The following PCYT1B variants were observed in gnomAD, a reference collection of about 807,000 sequenced individuals.
The protein encoded by PCYT1B is choline-phosphate cytidylyltransferase B.
PCYT1B carries 10 observed loss-of-function variants against 26.4 expected under a neutral mutation model. That is an observed-to-expected ratio of 0.38 (90% confidence interval 0.23 to 0.64). The LOEUF is 0.64. PCYT1B is among the 30% of genes least tolerant of loss of function. The pLI is 0.56. For missense variants in PCYT1B, 161 were observed against 292.7 expected (o/e 0.55, Z 3.28); for synonymous variants, 131 against 108.4 (o/e 1.21, Z -1.29).
chrX:24,564,314 C>T (rs1360321779), intron 7 of PCYT1B, among the ~76,000 whole-genome samples: 11 of 111,014 alleles, frequency 9.9e-5, no homozygotes, highest in African/African-American at 3.6e-4. Context: ...TAAACTCACC[C>T]TTTTTAGTGT....
intron 3 of PCYT1B, among the ~76,000 whole-genome samples, chrX:24,593,437 CTTTCTTTCTTTTCT>C (rs1435271797): frequency 0.024 from 1,785 of 73,767 alleles, 31 homozygotes; most frequent in Middle Eastern, 0.037. Flanking sequence ...TCTTTCCTTT[CTTTCTTTCTTTTCT>C]TTTCTTTTCT....
Position 24,559,415 on chromosome X carries a change from AAAAAG to A in PCYT1B, c.*2873_*2877del, listed in dbSNP as rs1241636343. 2 of 44,830 alleles carry A rather than the reference AAAAAG, an allele frequency of 4.5e-5. No individual in the cohort carries two copies. The highest frequency in any genetic ancestry group is 9.8e-5 in the Non-Finnish European group (2 of 20,438). The allele number at this position is 44,830 out of a possible 1,213,427, so 3.7% of individuals were successfully genotyped here. On this transcript the variant is annotated 3_prime_UTR_variant, in exon 8 of 8. Transcript: ENST00000379144. ...AAAGAAAGAAAGAAAAAGAGGAAAG[AAAAAG>A]AGAAAGAAGAAAGAAAAAGAAAGAG...
Position 24,607,174 on chromosome X carries a change from G to A in PCYT1B, c.334+571C>T, listed in dbSNP as rs1292058287. 6.3e-5 allele frequency among the ~76,000 whole-genome samples: 7 copies of A among 111,939 alleles called. No homozygotes were observed. In the East Asian group the frequency reaches 1.7e-3, roughly 27 times the overall value. On this transcript the variant is annotated intron_variant, in intron 3 of 7. Transcript: ENST00000379144. ...ATCCTTCTCTTTCCATAGACTTAGC[G>A]AGTAAATTGGTCCCTTCGTTGTGAA...
chrX:24,599,351 G>A (rs775404270), intron 3 of PCYT1B, among the ~76,000 whole-genome samples: 6 of 111,872 alleles, frequency 5.4e-5, no homozygotes, highest in African/African-American at 1.9e-4. Flanking sequence ...TCAAAGAATT[G>A]AGTGGCATCA....
chrX:24,637,515 T>TATATATATA (rs1374482055), intron 1 of PCYT1B, among the ~76,000 whole-genome samples: 9 of 82,941 alleles, frequency 1.1e-4, no homozygotes, highest in Admixed American at 4.4e-4. Context: ...TATATATAAA[T>TATATATATA]TAGCTGAGCG....
chrX:24,665,522 T>C (rs1927110228), intron 1 of PCYT1B, among the ~76,000 whole-genome samples: 1 of 110,904 alleles, frequency 9.0e-6, no homozygotes, highest in East Asian at 2.8e-4. Context: ...AACTCCTGAC[T>C]GCAGGTGATC....
rs138155829 is a variant in PCYT1B at position 24,579,478 on chromosome X, C to T, written c.566-20G>A. On this transcript the variant is annotated intron_variant, in intron 5 of 7. Coordinates refer to ENST00000379144, the MANE Select transcript of PCYT1B (RefSeq NM_004845.5). ...ACATCCCTGTTCAAGTAGAAAAGAG[C>T]GGATAGAGGAAAAATTAAGATCACC... is the stretch of plus-strand genomic sequence containing the variant. 3.7e-3 allele frequency: 4,387 copies of T among 1,194,741 alleles called. 41 individuals carry two copies. The highest frequency in any genetic ancestry group is 2.2e-3 in the Non-Finnish European group (1,959 of 883,262).
intron 3 of PCYT1B, among the ~76,000 whole-genome samples, chrX:24,595,909 C>G (rs1054654176): frequency 6.5e-5 from 7 of 108,487 alleles, no homozygotes; most frequent in African/African-American, 2.3e-4. Flanking sequence ...AAGACTGAGA[C>G]TGAATTTCCT....
At chrX:24,651,472 AATATATATATATATATATATATAT>A (rs200652780), upstream of PCYT1B, among the ~76,000 whole-genome samples, 1 of 26,059 alleles carries the variant, frequency 3.8e-5, no homozygotes, top group Non-Finnish European at 6.0e-5. Context: ...AAAAAAAAAA[AATATATATATATATATATATATAT>A]ATATATATAT....
At chrX:24,562,796 T>C (rs187229191) in intron 7 of PCYT1B, among the ~76,000 whole-genome samples, 2 of 108,193 alleles carry the variant, frequency 1.8e-5, no homozygotes, top group Non-Finnish European at 3.8e-5. Context: ...GGCATGATCT[T>C]GGCTCACTGC....
chrX:24,581,742 T>C (rs1924213099), intron 5 of PCYT1B, among the ~76,000 whole-genome samples: 1 of 112,565 alleles, frequency 8.9e-6, no homozygotes, highest in Non-Finnish European at 1.9e-5. Context: ...ATAGGAATAT[T>C]TCTTGAATGA....
At chrX:24,624,539 C>T (rs1310519929) in intron 1 of PCYT1B, among the ~76,000 whole-genome samples, 1 of 111,863 alleles carries the variant, frequency 8.9e-6, no homozygotes, top group African/African-American at 3.2e-5. Context: ...TGCTTTTCCT[C>T]TACTCTTTTC....
At chrX:24,637,860 A>G (rs1273242817) in intron 1 of PCYT1B, among the ~76,000 whole-genome samples, 2 of 109,965 alleles carry the variant, frequency 1.8e-5, no homozygotes, top group Non-Finnish European at 3.8e-5. Flanking sequence ...CGACTTGCCC[A>G]TGGAGAAAAA....
chrX:24,600,998 A>C (rs780254330), intron 3 of PCYT1B, among the ~76,000 whole-genome samples: 1 of 112,143 alleles, frequency 8.9e-6, no homozygotes, highest in African/African-American at 3.2e-5. Context: ...GTAAATGCCA[A>C]ACTATATGTA....
upstream of PCYT1B, among the ~76,000 whole-genome samples, chrX:24,651,937 G>A (rs906761802): frequency 9.0e-6 from 1 of 111,417 alleles, no homozygotes; most frequent in East Asian, 2.8e-4. Context: ...ATAGAAAGAT[G>A]CACAGACCTC....
chrX:24,665,582 C>A (rs997745971), intron 1 of PCYT1B, among the ~76,000 whole-genome samples: 1 of 111,360 alleles, frequency 9.0e-6, no homozygotes, highest in African/African-American at 3.3e-5. Context: ...TGAGCCACCG[C>A]GCCTGGCCCC....
At chrX:24,603,300 G>A (rs1925024530) in intron 3 of PCYT1B, among the ~76,000 whole-genome samples, 1 of 112,259 alleles carries the variant, frequency 8.9e-6, no homozygotes, top group Non-Finnish European at 1.9e-5. Context: ...AATGGTTGGA[G>A]GCAGCTACCA....
intron 2 of PCYT1B, among the ~76,000 whole-genome samples, chrX:24,616,872 A>G (rs7059020): frequency 0.059 from 6,563 of 111,696 alleles, 460 homozygotes; most frequent in African/African-American, 0.2. Context: ...ACTTCACTCT[A>G]TTGAAGGCTA....
chrX:24,670,080 G>GAA (rs1927212875), intron 1 of PCYT1B, among the ~76,000 whole-genome samples: 1 of 82,174 alleles, frequency 1.2e-5, no homozygotes, highest in Non-Finnish European at 2.4e-5. Context: ...AAGAAAGAAA[G>GAA]AAAGAAAGAA....
Sources: gnomAD v4.1 joint callset for allele counts (sites outside exome capture counted in the v4.1 genomes callset) on GRCh38, gnomAD v4.1.1 for gene constraint, MANE v1.5 for transcripts, NCBI Gene and HGNC (gene_info 2026-07-23, HGNC 2026-07-21) for gene names.